Variants in DMRT3 observed in about 807,000 individuals in gnomAD.
DMRT3 encodes doublesex and mab-3 related transcription factor 3.
A neutral mutation model predicts 34.9 loss-of-function variants in DMRT3; 29 were observed. The ratio of observed to expected loss-of-function variants is 0.83; its 90% CI spans 0.62 to 1.13. The LOEUF (loss-of-function observed/expected upper bound fraction) is 1.13, where lower values mean the gene tolerates loss of function less well. Among genes scored for constraint, DMRT3 ranks in the 50% most tolerant of loss-of-function variants. DMRT3 has a pLI of 0.00. For missense variants in DMRT3, 772 were observed against 629.1 expected (o/e 1.23, Z -2.43); for synonymous variants, 350 against 286.0 (o/e 1.22, Z -2.26).
rs777294931 is a variant in DMRT3, at chr9:990,412, G to A, written c.826G>A (p.Gly276Arg). Residue 276 changes from glycine (G) to arginine (R), a missense_variant, in exon 2 of 2, where the codon GGG (glycine) becomes AGG (arginine). Gly to Arg is a moderately radical substitution (Grantham distance 125, BLOSUM62 -2). Coordinates refer to ENST00000190165, the MANE Select transcript of DMRT3 (RefSeq NM_021240.4). The part of the protein sequence containing the change: ...VLELILKGCG[G>R]DLVSAVEVLL... ...TGAGCTCATCCTCAAGGGCTGTGGCGGGGACCTGGTGAGCGCCGTGGAAGT... is the reference window on the plus strand; with the variant it reads ...TGAGCTCATCCTCAAGGGCTGTGGCAGGGACCTGGTGAGCGCCGTGGAAGT... The A allele has an allele frequency of 3.1e-6, 5 of 1,613,948 alleles. No homozygotes were observed. The highest frequency in any genetic ancestry group is 2.2e-5 in the East Asian group (1 of 44,876).
chr9:980,932 T>C (rs1043421123), intron 1 of DMRT3, among the ~76,000 whole-genome samples: 2 of 152,228 alleles, frequency 1.3e-5, no homozygotes, highest in African/African-American at 4.8e-5. Context: ...AAGAAAGATC[T>C]GTGGCTGTAG....
At position 990,326 on chromosome 9, in the gene DMRT3, C is replaced by T. The variant is rs751707746; in HGVS notation, c.740C>T (p.Ala247Val). 6.2e-7 allele frequency: 1 copy of T among 1,613,796 alleles called. No individual in the cohort carries two copies. Among genetic ancestry groups the T allele is most frequent in the South Asian group, 1.1e-5 (1 of 91,060 alleles). Residue 247 changes from alanine (A) to valine (V), a missense_variant, in exon 2 of 2, where the codon GCC (alanine) becomes GTC (valine). By Grantham distance (64) the Ala-to-Val change is moderately conservative. Transcript: ENST00000190165. ...GTTTCTCTGCCCTTCAGCTTGAAAG[C>T]CAACAGACCGCCGCTTGAAGTGTTA... The part of the protein sequence containing the change: ...GTVSLPFSLK[A>V]NRPPLEVLKK...
chr9:990,424 A>G lies in DMRT3; in HGVS notation c.838A>G (p.Ser280Gly), dbSNP rs2130077050. 1 of 1,614,036 alleles carries G rather than the reference A, an allele frequency of 6.2e-7. No individual in the cohort carries two copies. The highest frequency in any genetic ancestry group is 8.5e-7 in the Non-Finnish European group (1 of 1,180,012). ...CAAGGGCTGTGGCGGGGACCTGGTG[A>G]GCGCCGTGGAAGTCCTTCTGTCCAG... is the stretch of plus-strand genomic sequence containing the variant. Reference protein sequence around the residue: ...ILKGCGGDLVSAVEVLLSSRS... With the variant: ...ILKGCGGDLVGAVEVLLSSRS... Residue 280 changes from serine to glycine, a missense_variant, in exon 2 of 2, where the codon AGC becomes GGC. Transcript: ENST00000190165.
chr9:990,776 T>C lies in DMRT3; in HGVS notation c.1190T>C (p.Leu397Pro). The change falls in exon 2 of 2, where the codon CTG becomes CCG. Residue 397 changes from leucine (L) to proline (P), a missense_variant. Physicochemically the swap from Leu to Pro is moderately conservative, Grantham distance 98. Coordinates refer to ENST00000190165, the MANE Select transcript of DMRT3 (RefSeq NM_021240.4). ...GTCACCCTGTGGAACACCATGACGC[T>C]GCAGCAGCAGTATCAGCTGAGGTCC... Reference protein sequence around the residue: ...NDVTLWNTMTLQQQYQLRSQY... With the variant: ...NDVTLWNTMTPQQQYQLRSQY... The C allele has an allele frequency of 6.2e-7, 1 of 1,614,158 alleles. No homozygotes were observed. Among genetic ancestry groups the C allele is most frequent in the Non-Finnish European group, 8.5e-7 (1 of 1,180,026 alleles).
intron 1 of DMRT3, among the ~76,000 whole-genome samples, chr9:985,564 T>A (rs1284869062): frequency 6.6e-6 from 1 of 152,218 alleles, no homozygotes; most frequent in Non-Finnish European, 1.5e-5. Context: ...AAACTCACCC[T>A]CTATAATTAC....
rs1457547034 is a variant in DMRT3 at position 991,715 on chromosome 9, ATAAAC to A, written c.*714_*718del. ...AGCATGTTAAGGACTCTAGAAAAAA[ATAAAC>A]TAAGGAGACGAGCGTGGTTTATGTC... On this transcript the variant is annotated 3_prime_UTR_variant, in exon 2 of 2. Coordinates refer to ENST00000190165, the MANE Select transcript of DMRT3 (RefSeq NM_021240.4). 1 of 152,618 alleles carries A rather than the reference ATAAAC, an allele frequency of 6.6e-6. No individual in the cohort carries two copies. The highest frequency in any genetic ancestry group is 2.4e-5 in the African/African-American group (1 of 41,470). The allele number at this position is 152,618 out of a possible 1,614,324, so 9.5% of individuals were successfully genotyped here. A position where few individuals can be genotyped will look rare whatever the true frequency, so the allele number is the denominator to read the frequency against.
rs1820355829 is a variant in DMRT3 at position 990,920 on chromosome 9, T to C, written c.1334T>C (p.Val445Ala). Reference sequence around the variant, plus strand: ...ATCCCTGATGATGGGTGTCCATTTGTGTCAAAGCAGTCCATTTACACCGAG... The same window carrying C: ...ATCCCTGATGATGGGTGTCCATTTGCGTCAAAGCAGTCCATTTACACCGAG... The part of the protein sequence containing the change: ...ISIPDDGCPF[V>A]SKQSIYTEDD... Residue 445 changes from valine (V) to alanine (A), a missense_variant, in exon 2 of 2, where the codon GTG (valine) becomes GCG (alanine). Transcript: ENST00000190165. 5.6e-6 allele frequency: 9 copies of C among 1,614,140 alleles called. No homozygotes were observed. The highest frequency in any genetic ancestry group is 1.1e-5 in the South Asian group (1 of 91,078).
Position 990,834 on chromosome 9 carries a change from C to CA in DMRT3, c.1249dup (p.Ser417LysfsTer23). 4 of 1,614,138 alleles carry CA rather than the reference C, an allele frequency of 2.5e-6. No individual in the cohort carries two copies. Among genetic ancestry groups the CA allele is most frequent in the Non-Finnish European group, 2.5e-6 (3 of 1,180,030 alleles). On this transcript the variant is annotated frameshift_variant, in exon 2 of 2. Transcript: ENST00000190165. LOFTEE classifies it high-confidence loss of function. ...TCAGTCCTTTCCCCAGTAACTCTAC[C>CA]AGCGTCTTCAGAAGCTCGCCCGTCC...
chr9:989,939 C>T, intron 1 of DMRT3, 102 bp from the exon 2 acceptor site: 6 of 1,441,282 alleles, frequency 4.2e-6, no homozygotes, highest in Non-Finnish European at 4.7e-6. Flanking sequence ...CATTGAGATG[C>T]ATTTGCTCTT....
chr9:982,540 A>G (rs913284356), intron 1 of DMRT3, among the ~76,000 whole-genome samples: 2 of 152,246 alleles, frequency 1.3e-5, no homozygotes, highest in African/African-American at 4.8e-5. Context: ...TAACTTTCGG[A>G]GAAGGTCAGG....
intron 1 of DMRT3, among the ~76,000 whole-genome samples, chr9:982,134 C>G (rs1299454201): frequency 1.3e-5 from 2 of 152,248 alleles, no homozygotes; most frequent in Admixed American, 6.5e-5. Flanking sequence ...TTTTATCTGG[C>G]AACCATAGGC....
In DMRT3 at chr9:990,664, C is replaced by T. The variant is rs757103347; in HGVS notation, c.1078C>T (p.Pro360Ser). 23 of 1,613,884 alleles carry T rather than the reference C, an allele frequency of 1.4e-5. No individual in the cohort carries two copies. Among genetic ancestry groups the T allele is most frequent in the Admixed American group, 1.3e-4 (8 of 59,996 alleles). The part of the protein sequence containing the change: ...VPSPLAGPLQ[P>S]PFPQPPRYPL... ...CAGTCCCTTGGCTGGGCCTCTGCAG[C>T]CCCCTTTCCCCCAGCCACCCCGGTA... The change falls in exon 2 of 2, where the codon CCC becomes TCC. Residue 360 changes from proline to serine, a missense_variant. Transcript: ENST00000190165.
intron 1 of DMRT3, among the ~76,000 whole-genome samples, chr9:984,562 T>C (rs1820260162): frequency 6.6e-6 from 1 of 152,060 alleles, no homozygotes; most frequent in Non-Finnish European, 1.5e-5. Flanking sequence ...GTTCACGCCA[T>C]TCTCCTGCCT....
At position 977,254 on chromosome 9, in the gene DMRT3, A is replaced by C. The variant is rs151065508; in HGVS notation, c.253A>C (p.Ser85Arg). The C allele has an allele frequency of 1.0e-4, 159 of 1,580,576 alleles. No homozygotes were observed. The African/African-American group carries it at 1.8e-3, about 18-fold the overall frequency. ...GCAGCAGGCCAACGAGAGCTTGGAG[A>C]GCCTCATCCCCGACTCGCTGCGCGC... is the stretch of plus-strand genomic sequence containing the variant. ...RRQQANESLE[S>R]LIPDSLRALP... Residue 85 changes from serine (S) to arginine (R), a missense_variant, in exon 1 of 2, where the codon AGC becomes CGC. Physicochemically the swap from Ser to Arg is moderately radical, Grantham distance 110 (BLOSUM62 -1). Coordinates refer to ENST00000190165, the MANE Select transcript of DMRT3 (RefSeq NM_021240.4).
chr9:985,243 C>T (rs550989402), intron 1 of DMRT3, among the ~76,000 whole-genome samples: 2 of 152,186 alleles, frequency 1.3e-5, no homozygotes, highest in South Asian at 2.1e-4. Flanking sequence ...TTGTCATATT[C>T]GATAAAATTG....
chr9:981,680 G>A (rs989519887), intron 1 of DMRT3, among the ~76,000 whole-genome samples: 1 of 152,186 alleles, frequency 6.6e-6, no homozygotes, highest in Non-Finnish European at 1.5e-5. Context: ...GCGGCAGCTG[G>A]CCCAGGACTG....
chr9:977,580 C>T lies in DMRT3; in HGVS notation c.454+125C>T, dbSNP rs1018681707. On this transcript the variant is annotated intron_variant, in intron 1 of 1. Transcript: ENST00000190165. ...ACGTGGGCCTGTCGGGGCTTTCCTTCCTACTCTCCGCCAGGCCGGGGCTTC... is the reference window on the plus strand; with the variant it reads ...ACGTGGGCCTGTCGGGGCTTTCCTTTCTACTCTCCGCCAGGCCGGGGCTTC... 18 of 972,056 alleles carry T rather than the reference C, an allele frequency of 1.9e-5. No individual in the cohort carries two copies. In the African/African-American group the frequency reaches 2.6e-4, roughly 14 times the overall value. The allele number at this position is 972,056 out of a possible 1,614,324, so 60.2% of individuals were successfully genotyped here. A position where few individuals can be genotyped will look rare whatever the true frequency, so the allele number is the denominator to read the frequency against.
intron 1 of DMRT3, among the ~76,000 whole-genome samples, chr9:978,490 C>T (rs961578744): frequency 2.0e-5 from 3 of 152,320 alleles, no homozygotes; most frequent in Admixed American, 1.3e-4. Context: ...TGGGAAGGTC[C>T]AGAGCCCTCC....
chr9:989,885 T>C (rs543576956), intron 1 of DMRT3, 156 bp from the exon 2 acceptor site: 6 of 884,136 alleles, frequency 6.8e-6, no homozygotes, highest in African/African-American at 5.0e-5. Flanking sequence ...TTGCCAGTGA[T>C]ATAGTTCGAA....
Sources: allele counts gnomAD v4.1 joint callset (sites outside exome capture counted in the v4.1 genomes callset), GRCh38; gene constraint gnomAD v4.1.1; transcripts MANE v1.5; gene names NCBI Gene and HGNC (gene_info 2026-07-23, HGNC 2026-07-21).